DAGLA: variants seen among roughly 807,000 people sequenced by gnomAD.
The protein encoded by DAGLA is diacylglycerol lipase alpha.
A neutral mutation model predicts 102.6 loss-of-function variants in DAGLA; 22 were observed. That is an observed-to-expected ratio of 0.21 (90% confidence interval 0.15 to 0.31). DAGLA has a LOEUF of 0.31. DAGLA is among the 10% of genes least tolerant of loss of function. The pLI is 1.00. For synonymous variants in DAGLA, 578 were observed against 628.9 expected (o/e 0.92, Z 1.21); for missense variants, 927 against 1,446.6 (o/e 0.64, Z 5.83).
rs187006586 is a variant in DAGLA, at chr11:61,704,167, T to G, written c.-44-15945T>G. Among the ~76,000 whole-genome samples the G allele has an allele frequency of 2.7e-3, 402 of 151,104 alleles. 2 individuals are homozygous for G. The highest frequency in any genetic ancestry group is 9.2e-3 in the African/African-American group (377 of 41,038). On this transcript the variant is annotated intron_variant, in intron 1 of 19. Transcript: ENST00000257215. Reference sequence around the variant, plus strand: ...TGGAGTCTCACTCTGTCACCCAGGCTGGAGTGCAATGGCACGATCTCGGCT... The same window carrying G: ...TGGAGTCTCACTCTGTCACCCAGGCGGGAGTGCAATGGCACGATCTCGGCT...
At chr11:61,705,157 G>C (rs1455343715) in intron 1 of DAGLA, among the ~76,000 whole-genome samples, 1 of 152,220 alleles carries the variant, frequency 6.6e-6, no homozygotes, top group Non-Finnish European at 1.5e-5. Flanking sequence ...GCGTTCCTCT[G>C]GGATCCAGTG....
Position 61,734,792 on chromosome 11 carries a change from G to A in DAGLA, c.975-57G>A. On this transcript the variant is annotated intron_variant, in intron 9 of 19. Coordinates refer to ENST00000257215, the MANE Select transcript of DAGLA (RefSeq NM_006133.3). The surrounding 1 kb of genome is among the most constrained non-coding windows in gnomAD (Gnocchi z 4.2). ...ACTGGTTCCAGGGACAGTGGCAGGA[G>A]ACATTTGTTCCCTCGGGGACTCCCT... The A allele has an allele frequency of 3.9e-6, 6 of 1,532,876 alleles. No individual in the cohort carries two copies. The South Asian group carries it at 5.8e-5, about 15-fold the overall frequency. 95.0% of individuals were successfully genotyped at this position (1,532,876 alleles called of 1,614,324 possible).
In DAGLA at chr11:61,704,695, A is replaced by C. The variant is rs147303579; in HGVS notation, c.-44-15417A>C. On this transcript the variant is annotated intron_variant, in intron 1 of 19. Coordinates refer to ENST00000257215, the MANE Select transcript of DAGLA (RefSeq NM_006133.3). ...AGCTTTGCTTCTGAGGCTGTTTGTGAGGCGTTCACTTTGGGGTACCATTTT... is the reference window on the plus strand; with the variant it reads ...AGCTTTGCTTCTGAGGCTGTTTGTGCGGCGTTCACTTTGGGGTACCATTTT... 2.7e-3 allele frequency among the ~76,000 whole-genome samples: 407 copies of C among 152,180 alleles called. 2 individuals carry two copies. The highest frequency in any genetic ancestry group is 9.2e-3 in the African/African-American group (382 of 41,504).
chr11:61,737,223 C>T lies in DAGLA; in HGVS notation c.1413C>T (p.His471=), dbSNP rs1486877160. ...ACTACGGCCTGATTGTGGTGGGCCA[C>T]TCCCTGGGCGCGGGCACTGCTGCCA... The part of the protein sequence containing the change: ...TKHYGLIVVG[H]SLGAGTAAIL... The change falls in exon 14 of 20, where the codon CAC becomes CAT. Residue 471 remains histidine (H), a synonymous_variant. Coordinates refer to ENST00000257215, the MANE Select transcript of DAGLA (RefSeq NM_006133.3). 3.1e-6 allele frequency: 5 copies of T among 1,613,492 alleles called. No individual in the cohort carries two copies. Among genetic ancestry groups the T allele is most frequent in the Non-Finnish European group, 4.2e-6 (5 of 1,180,026 alleles).
chr11:61,694,978 G>A (rs1290344118), intron 1 of DAGLA, among the ~76,000 whole-genome samples: 1 of 152,210 alleles, frequency 6.6e-6, no homozygotes, highest in Non-Finnish European at 1.5e-5. Context: ...GAGGGGCTCT[G>A]CCTGGGGAGC....
chr11:61,742,605 G>T (rs567832800), intron 19 of DAGLA, among the ~76,000 whole-genome samples: 1 of 152,314 alleles, frequency 6.6e-6, no homozygotes, highest in Admixed American at 6.5e-5. Context: ...CCAGCAGAGG[G>T]CTGCGGCCCA....
In DAGLA at chr11:61,686,315, G is replaced by A. The variant is rs1394672993; in HGVS notation, c.-45+5811G>A. ...TTGACTTTCAGCGGGTCTGACTCCC[G>A]TCAGTGCTGGGCGGGAGTGTGAACG... On this transcript the variant is annotated intron_variant, in intron 1 of 19. Coordinates refer to ENST00000257215, the MANE Select transcript of DAGLA (RefSeq NM_006133.3). This position sits in a 1 kb window ranked among gnomAD's most constrained non-coding sequence, Gnocchi z 5.2. Among the ~76,000 whole-genome samples the A allele has an allele frequency of 2.0e-5, 3 of 152,320 alleles. No individual in the cohort carries two copies. The highest frequency in any genetic ancestry group is 1.9e-4 in the East Asian group (1 of 5,186).
Position 61,735,629 on chromosome 11 carries a change from G to A in DAGLA, c.1197G>A (p.Gly399=). ...DKKKVVISIR[G]TLSPKDALTD... ...AGAAAGTGGTGATCAGTATCCGGGG[G>A]ACCCTGTCCCCCAAGGTACGCTGCC... The change falls in exon 11 of 20, where the codon GGG becomes GGA. Residue 399 remains glycine (G), a synonymous_variant. Transcript: ENST00000257215. The A allele has an allele frequency of 2.5e-6, 4 of 1,614,026 alleles. No homozygotes were observed. The highest frequency in any genetic ancestry group is 3.4e-6 in the Non-Finnish European group (4 of 1,179,928).
At chr11:61,703,679 A>ATGGG (rs1158852970) in intron 1 of DAGLA, among the ~76,000 whole-genome samples, 3 of 760 alleles carry the variant, frequency 3.9e-3, no homozygotes, top group African/African-American at 4.6e-3. Flanking sequence ...GGATGGAGGA[A>ATGGG]TGGATGGATG....
chr11:61,723,083 AGGTTGGCT>A (rs1467271418), intron 4 of DAGLA, 123 bp downstream of exon 4: 4 of 839,476 alleles, frequency 4.8e-6, no homozygotes, highest in African/African-American at 1.7e-5. Context: ...GGGCACCAGC[AGGTTGGCT>A]GGGCGAGACT....
In DAGLA at chr11:61,743,970, C is replaced by G; in HGVS notation, c.2610C>G (p.Pro870=). 1.2e-6 allele frequency: 2 copies of G among 1,611,964 alleles called. No individual in the cohort carries two copies. The highest frequency in any genetic ancestry group is 1.6e-4 in the Middle Eastern group (1 of 6,062). The change falls in exon 20 of 20, where the codon CCC becomes CCG. Residue 870 remains proline, a synonymous_variant. Coordinates refer to ENST00000257215, the MANE Select transcript of DAGLA (RefSeq NM_006133.3). ...GTGGCGGCGTCACTCCTGAGCGGCC[C>G]CCCAGTGCTGCGGCCAATGACGAGG... ...LGSGGVTPER[P]PSAAANDEEE...
chr11:61,725,610 G>C (rs1197270094), intron 5 of DAGLA, among the ~76,000 whole-genome samples: 1 of 152,222 alleles, frequency 6.6e-6, no homozygotes. Flanking sequence ...CAGGGTTTGA[G>C]CCTTTGGACA....
chr11:61,741,429 T>A, intron 19 of DAGLA, 80 bp downstream of exon 19: 1 of 1,465,084 alleles, frequency 6.8e-7, no homozygotes, highest in South Asian at 1.3e-5. Flanking sequence ...ATGCATTTTG[T>A]GCATGCACTG....
chr11:61,726,205 G>T (rs962925071), intron 6 of DAGLA, 123 bp downstream of exon 6: 4 of 892,130 alleles, frequency 4.5e-6, no homozygotes, highest in South Asian at 4.1e-5. Context: ...GGTTTCCAGC[G>T]TGAGCAAGTA....
chr11:61,707,363 C>T (rs2065158319), intron 1 of DAGLA, among the ~76,000 whole-genome samples: 1 of 152,230 alleles, frequency 6.6e-6, no homozygotes, highest in South Asian at 2.1e-4. Flanking sequence ...GGTCAGTGGC[C>T]TTGCTCAGGC....
chr11:61,697,897 A>C (rs1452834677), intron 1 of DAGLA, among the ~76,000 whole-genome samples: 1 of 152,052 alleles, frequency 6.6e-6, no homozygotes, highest in East Asian at 1.9e-4. Flanking sequence ...GTGTCTCTGC[A>C]GTGAGGAGCA....
intron 1 of DAGLA, among the ~76,000 whole-genome samples, chr11:61,705,226 A>G (rs1591031858): frequency 6.6e-6 from 1 of 152,222 alleles, no homozygotes; most frequent in Admixed American, 6.5e-5. Context: ...TGACAGCGCC[A>G]GTGTTACAGC....
chr11:61,725,622 C>T (rs1259136968), intron 5 of DAGLA, among the ~76,000 whole-genome samples: 1 of 152,190 alleles, frequency 6.6e-6, no homozygotes, highest in Non-Finnish European at 1.5e-5. Flanking sequence ...CTTTGGACAC[C>T]TGAGCTGCAG....
intron 17 of DAGLA, 24 bp from the exon 18 acceptor site, chr11:61,740,439 C>T: frequency 2.5e-6 from 4 of 1,610,010 alleles, no homozygotes; most frequent in Non-Finnish European, 2.5e-6. Flanking sequence ...ACCCTTAACT[C>T]CCCTCTGTCC....
Sources: allele counts gnomAD v4.1 joint callset (sites outside exome capture counted in the v4.1 genomes callset), GRCh38; gene constraint gnomAD v4.1.1; non-coding constraint Gnocchi (gnomAD v3.1); transcripts MANE v1.5; gene names NCBI Gene and HGNC (gene_info 2026-07-23, HGNC 2026-07-21).